The following SBF2 variants were observed in gnomAD, a reference collection of about 807,000 sequenced individuals.
SBF2 encodes the protein myotubularin-related protein 13.
SBF2 carries 112 observed loss-of-function variants against 225.2 expected under a neutral mutation model. That is an observed-to-expected ratio of 0.50 (90% CI 0.43 to 0.58). The LOEUF is 0.58. SBF2 is among the 20% of genes least tolerant of loss of function. SBF2 has a pLI of 0.00. For missense variants in SBF2, 1,996 were observed against 2,206.2 expected (o/e 0.90, Z 1.91); for synonymous variants, 763 against 773.3 (o/e 0.99, Z 0.22).
chr11:9,968,624 C>T (rs1372859365), intron 13 of SBF2, 79 bp from the exon 14 acceptor site: 1 of 1,141,640 alleles, frequency 8.8e-7, no homozygotes, highest in East Asian at 2.3e-5. Context: ...TGGGAGCTTA[C>T]AGGGACACGA....
chr11:10,274,568 T>C (rs895597477), intron 1 of SBF2, among the ~76,000 whole-genome samples: 4 of 151,990 alleles, frequency 2.6e-5, no homozygotes, highest in Non-Finnish European at 5.9e-5. Context: ...CTGGCCAACA[T>C]AGTGAAACAC....
chr11:10,130,458 T>A (rs1953986422), intron 2 of SBF2, among the ~76,000 whole-genome samples: 1 of 152,106 alleles, frequency 6.6e-6, no homozygotes, highest in Non-Finnish European at 1.5e-5. Context: ...TAGAAATTCA[T>A]CAAGTTACAA....
intron 2 of SBF2, among the ~76,000 whole-genome samples, chr11:10,159,768 T>C (rs1416695084): frequency 6.6e-6 from 1 of 152,006 alleles, no homozygotes; most frequent in Non-Finnish European, 1.5e-5. Context: ...CGGGTGCCTA[T>C]AGTCCCAGCT....
rs1272756811 is a variant in SBF2 at position 9,967,949 on chromosome 11, C to CTGTCTGTCTG, written c.1600+391_1600+392insCAGACAGACA. 2.5e-3 allele frequency among the ~76,000 whole-genome samples: 253 copies of CTGTCTGTCTG among 102,096 alleles called. 2 individuals carry two copies. Among genetic ancestry groups the CTGTCTGTCTG allele is most frequent in the South Asian group, 8.8e-3 (25 of 2,834 alleles). 67.0% of individuals were successfully genotyped at this position (102,096 alleles called of 152,430 possible). ...TCTGTCTGTCTGTCTGTCTGTCTGTCTCTCTCTCTCTCTCTCTCTCTCTAT... is the reference window on the plus strand; with the variant it reads ...TCTGTCTGTCTGTCTGTCTGTCTGTCTGTCTGTCTGTCTCTCTCTCTCTCTCTCTCTCTAT... On this transcript the variant is annotated intron_variant, in intron 14 of 39. Transcript: ENST00000256190.
At chr11:10,016,069 G>C (rs1036918750) in intron 6 of SBF2, among the ~76,000 whole-genome samples, 1 of 152,024 alleles carries the variant, frequency 6.6e-6, no homozygotes, top group South Asian at 2.1e-4. Context: ...GAGCCACCAT[G>C]CCTGGCCCCC....
chr11:10,288,780 G>T (rs1172245485), intron 1 of SBF2, among the ~76,000 whole-genome samples: 1 of 152,122 alleles, frequency 6.6e-6, no homozygotes, highest in Non-Finnish European at 1.5e-5. Context: ...TCCATCCTCT[G>T]CTCTGCTCTG....
chr11:9,907,657 G>C (rs1862218963), intron 16 of SBF2, among the ~76,000 whole-genome samples: 1 of 152,140 alleles, frequency 6.6e-6, no homozygotes, highest in Non-Finnish European at 1.5e-5. Context: ...TGCTAGGCTT[G>C]ACAAATAATA....
At chr11:10,080,029 C>T (rs1453255637) in intron 2 of SBF2, among the ~76,000 whole-genome samples, 2 of 151,912 alleles carry the variant, frequency 1.3e-5, no homozygotes, top group South Asian at 2.1e-4. Flanking sequence ...GGGTGGATCA[C>T]CTGAGGTCAG....
intron 2 of SBF2, among the ~76,000 whole-genome samples, chr11:10,063,330 AT>A (rs58163693): frequency 0.088 from 7,208 of 82,116 alleles, 217 homozygotes; most frequent in Middle Eastern, 0.17. Context: ...TAAAAAAAAT[AT>A]ATATATATAT....
intron 16 of SBF2, among the ~76,000 whole-genome samples, chr11:9,937,220 G>A (rs765237267): frequency 7.2e-5 from 11 of 152,030 alleles, no homozygotes; most frequent in Non-Finnish European, 1.3e-4. Flanking sequence ...TGACATCAGC[G>A]GACATCACTA....
chr11:9,969,513 C>G (rs1407427800), intron 13 of SBF2, among the ~76,000 whole-genome samples: 1 of 152,162 alleles, frequency 6.6e-6, no homozygotes, highest in Non-Finnish European at 1.5e-5. Flanking sequence ...GCCATGATTT[C>G]TTTCATTTTT....
chr11:9,850,365 C>G, intron 21 of SBF2, 147 bp from the exon 22 acceptor site: 1 of 758,900 alleles, frequency 1.3e-6, no homozygotes, highest in South Asian at 1.5e-5. Context: ...AAAAGATCCT[C>G]TGACCTCAGC....
At chr11:10,112,644 G>A (rs1187565487) in intron 2 of SBF2, among the ~76,000 whole-genome samples, 1 of 152,180 alleles carries the variant, frequency 6.6e-6, no homozygotes, top group African/African-American at 2.4e-5. Flanking sequence ...CATCTTTGGG[G>A]AAAATAAAAT....
At chr11:10,120,417 T>C (rs573963099) in intron 2 of SBF2, among the ~76,000 whole-genome samples, 2 of 152,358 alleles carry the variant, frequency 1.3e-5, no homozygotes, top group South Asian at 4.1e-4. Flanking sequence ...GCAATTCTCC[T>C]TGAAGTTCTT....
intron 16 of SBF2, among the ~76,000 whole-genome samples, chr11:9,936,017 G>C (rs1864871071): frequency 6.6e-6 from 1 of 152,046 alleles, no homozygotes; most frequent in African/African-American, 2.4e-5. Flanking sequence ...GAGTGAATAG[G>C]CAATCTACAG....
chr11:10,235,706 A>G lies in SBF2; in HGVS notation c.56-41719T>C, dbSNP rs78988950. Among the ~76,000 whole-genome samples, 743 of 152,336 alleles carry G rather than the reference A, an allele frequency of 4.9e-3. 5 individuals are homozygous for G. The highest frequency in any genetic ancestry group is 8.3e-3 in the Non-Finnish European group (564 of 68,032). The stretch of plus-strand genomic sequence containing the variant: ...CAATGACTATCACTGACCAGATCCT[A>G]GGACTATCATTGACAATGTCCTAGA... On this transcript the variant is annotated intron_variant, in intron 1 of 39. Transcript: ENST00000256190.
chr11:9,965,297 C>CTTT (rs34056394), intron 14 of SBF2, among the ~76,000 whole-genome samples: 13 of 128,824 alleles, frequency 1.0e-4, no homozygotes, highest in East Asian at 2.2e-4. Context: ...ATGTTTTAAA[C>CTTT]TTTTTTTTTT....
rs1191018953 is a variant in SBF2 at position 9,816,875 on chromosome 11, C to T, written c.3943G>A (p.Ala1315Thr). ...LQNQLLKRQAALYIFGEKSQL... is the reference protein window; with the variant it reads ...LQNQLLKRQATLYIFGEKSQL... ...GACTTTTCACCAAATATGTAAAGGG[C>T]TGCTTGCCGTTTCAAGAGCTGGTTT... is the stretch of plus-strand genomic sequence containing the variant. The change falls in exon 29 of 40, where the codon GCC (alanine) becomes ACC (threonine). Residue 1315 changes from alanine to threonine, a missense_variant. By Grantham distance (58) the Ala-to-Thr change is moderately conservative. Transcript: ENST00000256190. 8.7e-6 allele frequency: 14 copies of T among 1,614,020 alleles called. No individual in the cohort carries two copies. The East Asian group carries it at 3.1e-4, about 36-fold the overall frequency.
intron 2 of SBF2, among the ~76,000 whole-genome samples, chr11:10,173,761 G>A (rs1254748895): frequency 1.3e-5 from 2 of 149,702 alleles, no homozygotes; most frequent in Admixed American, 6.7e-5. Flanking sequence ...CAATGTCCCT[G>A]TCTGACAGCT....
Sources: allele counts gnomAD v4.1 joint callset (sites outside exome capture counted in the v4.1 genomes callset), GRCh38; gene constraint gnomAD v4.1.1; transcripts MANE v1.5; gene names NCBI Gene and HGNC (gene_info 2026-07-23, HGNC 2026-07-21).